Variants in TRAPPC11 observed in about 807,000 individuals in gnomAD.
TRAPPC11 encodes the protein foie gras homolog.
Under a neutral mutation model 151.2 loss-of-function variants are expected in TRAPPC11, and 104 were observed. The observed-to-expected ratio is 0.69, with a 90% CI of 0.59 to 0.81. The LOEUF (loss-of-function observed/expected upper bound fraction) is 0.81. Among genes scored for constraint, TRAPPC11 ranks in the 30% least tolerant of loss-of-function variants. The pLI is 0.00. For missense variants in TRAPPC11, 1,230 were observed against 1,349.6 expected, an observed-to-expected ratio of 0.91 and a Z score of 1.39; for synonymous variants, 456 against 472.3, an observed-to-expected ratio of 0.97 and a Z score of 0.45.
intron 18 of TRAPPC11, among the ~76,000 whole-genome samples, chr4:183,686,969 A>G (rs1002180246): frequency 6.6e-6 from 1 of 152,118 alleles, no homozygotes; most frequent in Non-Finnish European, 1.5e-5. Context: ...TCACAAGGTC[A>G]AGAGATCGAG....
At chr4:183,706,760 G>T in intron 27 of TRAPPC11, 47 bp from the exon 28 acceptor site, 2 of 1,583,460 alleles carry the variant, frequency 1.3e-6, no homozygotes, top group Non-Finnish European at 1.7e-6. Flanking sequence ...GCCATAAGTG[G>T]GGAGCTATTT....
chr4:183,676,293 G>T (rs774170282), intron 7 of TRAPPC11, among the ~76,000 whole-genome samples: 1 of 152,026 alleles, frequency 6.6e-6, no homozygotes, highest in Non-Finnish European at 1.5e-5. Context: ...GGGACTACAG[G>T]TGCCTGCCAC....
In TRAPPC11 at chr4:183,685,344, G is replaced by A. The variant is rs147516606; in HGVS notation, c.1703G>A (p.Arg568Gln). Residue 568 changes from arginine (R) to glutamine (Q), a missense_variant, in exon 17 of 30, where the codon CGA becomes CAA. Physicochemically the swap from Arg to Gln is conservative, Grantham distance 43. Coordinates refer to ENST00000334690, the MANE Select transcript of TRAPPC11 (RefSeq NM_021942.6). ...ACTGCTCAGAAGCTGTGGGCAGACC[G>A]AATTTCTCTGGCTGGCAGCAATATT... ...VKTAQKLWADRISLAGSNIFT... is the reference protein window; with the variant it reads ...VKTAQKLWADQISLAGSNIFT... 9.2e-5 allele frequency: 149 copies of A among 1,614,114 alleles called. No homozygotes were observed. The highest frequency in any genetic ancestry group is 6.7e-4 in the African/African-American group (50 of 75,036).
intron 3 of TRAPPC11, among the ~76,000 whole-genome samples, chr4:183,666,641 T>C (rs745753443): frequency 1.1e-4 from 17 of 152,232 alleles, no homozygotes; most frequent in Non-Finnish European, 1.8e-4. Context: ...TTGGTCTGAA[T>C]TTCCAAATGT....
At position 183,680,136 on chromosome 4, in the gene TRAPPC11, G is replaced by A. The variant is rs1249052866; in HGVS notation, c.982G>A (p.Asp328Asn). Residue 328 changes from aspartate to asparagine, a missense_variant, in exon 10 of 30, where the codon GAT becomes AAT. Coordinates refer to ENST00000334690, the MANE Select transcript of TRAPPC11 (RefSeq NM_021942.6). ...WMSKQFQAFG[D>N]LFDEAIKLGL... The stretch of plus-strand genomic sequence containing the variant: ...TTCTTTAAGATTCCAGGCCTTTGGA[G>A]ATTTATTTGATGAAGCTATTAAGTT... The A allele has an allele frequency of 6.2e-6, 10 of 1,612,420 alleles. No individual in the cohort carries two copies. Among genetic ancestry groups the A allele is most frequent in the Non-Finnish European group, 7.6e-6 (9 of 1,179,448 alleles).
chr4:183,684,273 GT>G (rs775181419), intron 13 of TRAPPC11, 31 bp from the exon 14 acceptor site: 1 of 1,612,684 alleles, frequency 6.2e-7, no homozygotes, highest in Non-Finnish European at 8.5e-7. Context: ...ATGACTTTAA[GT>G]TACATACATA....
At position 183,689,483 on chromosome 4, in the gene TRAPPC11, CTG is replaced by C. The variant is rs1456091926; in HGVS notation, c.1894-1830_1894-1829del. Among the ~76,000 whole-genome samples the C allele has an allele frequency of 2.0e-5, 3 of 152,116 alleles. No homozygotes were observed. In the East Asian group the frequency reaches 5.8e-4, roughly 29 times the overall value. ...CATAGCCTTGGTAGTACTAATCACA[CTG>C]TGGTTTCACCGTTGTCTGTGTGATT... On this transcript the variant is annotated intron_variant, in intron 18 of 29. Transcript: ENST00000334690.
At chr4:183,668,965 T>C (rs1207346974) in intron 5 of TRAPPC11, among the ~76,000 whole-genome samples, 1 of 152,238 alleles carries the variant, frequency 6.6e-6, no homozygotes, top group Non-Finnish European at 1.5e-5. Flanking sequence ...TGCATTTGTT[T>C]CTTTCTCAGA....
At chr4:183,670,060 T>C (rs1735076997) in intron 5 of TRAPPC11, among the ~76,000 whole-genome samples, 1 of 152,146 alleles carries the variant, frequency 6.6e-6, no homozygotes, top group African/African-American at 2.4e-5. Flanking sequence ...TTTCTTCAGA[T>C]TTATATTTTA....
chr4:183,666,453 A>G (rs1363086545), intron 3 of TRAPPC11, 27 bp downstream of exon 3: 11 of 1,606,926 alleles, frequency 6.8e-6, no homozygotes, highest in Admixed American at 5.1e-5. Flanking sequence ...CAGGGCAGCT[A>G]TGTCAGTTTG....
intron 2 of TRAPPC11, among the ~76,000 whole-genome samples, chr4:183,665,354 A>G (rs1385449585): frequency 3.9e-5 from 6 of 152,122 alleles, no homozygotes; most frequent in Admixed American, 3.9e-4. Flanking sequence ...TTGGCCTCCC[A>G]AAGTGCTGGG....
intron 27 of TRAPPC11, 96 bp downstream of exon 27, chr4:183,705,166 A>G (rs1442270222): frequency 4.5e-6 from 4 of 893,158 alleles, no homozygotes; most frequent in African/African-American, 1.6e-5. Context: ...CTATTTAGAA[A>G]GTTTTTCAGC....
intron 14 of TRAPPC11, 25 bp from the exon 15 acceptor site, chr4:183,684,671 A>G (rs756517941): frequency 5.0e-6 from 8 of 1,610,824 alleles, no homozygotes; most frequent in African/African-American, 2.7e-5. Context: ...AAGCCGGTTC[A>G]GTATTACATT....
In TRAPPC11 at chr4:183,664,081, T is replaced by C. The variant is rs1734715019; in HGVS notation, c.204+10T>C. ...CAAATGTAGACCCAAGGTAATGGCA[T>C]TGTGATGGCATGTGTTCTTTCCTTC... On this transcript the variant is annotated intron_variant, in intron 2 of 29. Coordinates refer to ENST00000334690, the MANE Select transcript of TRAPPC11 (RefSeq NM_021942.6). 15 of 1,606,454 alleles carry C rather than the reference T, an allele frequency of 9.3e-6. No individual in the cohort carries two copies. Among genetic ancestry groups the C allele is most frequent in the Non-Finnish European group, 1.2e-5 (14 of 1,175,326 alleles).
chr4:183,706,717 T>C, intron 27 of TRAPPC11, 90 bp from the exon 28 acceptor site: 3 of 1,386,198 alleles, frequency 2.2e-6, no homozygotes, highest in Admixed American at 2.0e-5. Context: ...AATGATACTA[T>C]GTCCACAGAA....
chr4:183,708,497 A>G lies in TRAPPC11; in HGVS notation c.3280A>G (p.Asn1094Asp). Residue 1094 changes from asparagine (N) to aspartate (D), a missense_variant, in exon 29 of 30, where the codon AAC becomes GAC. Coordinates refer to ENST00000334690, the MANE Select transcript of TRAPPC11 (RefSeq NM_021942.6). Reference protein sequence around the residue: ...MAGYQQLPSLNINLLRFPNFT... With the variant: ...MAGYQQLPSLDINLLRFPNFT... ...TGGATACCAGCAGCTGCCATCTCTCAACATCAACTTGCTTAGATTTCCTAA... is the reference window on the plus strand; with the variant it reads ...TGGATACCAGCAGCTGCCATCTCTCGACATCAACTTGCTTAGATTTCCTAA... 6.2e-7 allele frequency: 1 copy of G among 1,614,124 alleles called. No individual in the cohort carries two copies. Among genetic ancestry groups the G allele is most frequent in the Non-Finnish European group, 8.5e-7 (1 of 1,179,992 alleles).
intron 25 of TRAPPC11, among the ~76,000 whole-genome samples, chr4:183,699,626 C>G (rs556119658): frequency 6.6e-6 from 1 of 152,310 alleles, no homozygotes; most frequent in East Asian, 1.9e-4. Context: ...ACAGATTCAA[C>G]TGTATTAAAG....
At chr4:183,699,756 C>G (rs1465902477) in intron 25 of TRAPPC11, among the ~76,000 whole-genome samples, 1 of 152,148 alleles carries the variant, frequency 6.6e-6, no homozygotes, top group Non-Finnish European at 1.5e-5. Flanking sequence ...TGCACTCCTC[C>G]TCATGTGGCT....
chr4:183,665,321 C>T (rs934763069), intron 2 of TRAPPC11, among the ~76,000 whole-genome samples: 1 of 152,032 alleles, frequency 6.6e-6, no homozygotes, highest in Non-Finnish European at 1.5e-5. Flanking sequence ...GTCTCGATCT[C>T]CTGACCTCGT....
Sources: allele counts gnomAD v4.1 joint callset (sites outside exome capture counted in the v4.1 genomes callset), GRCh38; gene constraint gnomAD v4.1.1; transcripts MANE v1.5; gene names NCBI Gene and HGNC (gene_info 2026-07-23, HGNC 2026-07-21).